AKR1D1: variants seen among roughly 807,000 people sequenced by gnomAD.
AKR1D1 encodes the protein delta(4)-3-ketosteroid 5-beta-reductase.
In AKR1D1, 32 loss-of-function variants were observed where a neutral mutation model predicts 42.6. The ratio of observed to expected loss-of-function variants is 0.75; its 90% CI spans 0.57 to 1.01. The LOEUF (loss-of-function observed/expected upper bound fraction) is 1.01, where lower values mean the gene tolerates loss of function less well. Ranked by LOEUF, AKR1D1 falls within the 50% of genes least tolerant of loss-of-function variation. The pLI is 0.00. For synonymous variants in AKR1D1, 123 were observed against 135.5 expected (o/e 0.91, Z 0.64); for missense variants, 364 against 402.2 (o/e 0.91, Z 0.81).
At chr7:138,113,066 C>T (rs776830098) in intron 7 of AKR1D1, among the ~76,000 whole-genome samples, 2 of 152,144 alleles carry the variant, frequency 1.3e-5, no homozygotes, top group African/African-American at 2.4e-5. Context: ...CCTGTAATTG[C>T]AGCACTTTGG....
intron 3 of AKR1D1, among the ~76,000 whole-genome samples, chr7:138,093,792 A>G (rs895830577): frequency 2.0e-4 from 30 of 152,242 alleles, no homozygotes; most frequent in African/African-American, 7.0e-4. Context: ...ATTATATACT[A>G]TACATGATTA....
At chr7:138,083,880 T>C (rs1585720550) in intron 1 of AKR1D1, among the ~76,000 whole-genome samples, 1 of 152,182 alleles carries the variant, frequency 6.6e-6, no homozygotes, top group East Asian at 1.9e-4. Context: ...CTTTGTTTTC[T>C]GGGGTACCTG....
chr7:138,101,169 C>CT (rs1383194110), intron 4 of AKR1D1, among the ~76,000 whole-genome samples: 1 of 38,920 alleles, frequency 2.6e-5, no homozygotes, highest in African/African-American at 1.1e-4. Context: ...CCCTCCCTCC[C>CT]TCCCTCCCTC....
At position 138,096,560 on chromosome 7, in the gene AKR1D1, G is replaced by C. The variant is rs374763926; in HGVS notation, c.379-1306G>C. ...AGTTTCCAACACATGAATTAGGGGGGACACATTTAAACCACAGCAATTCCC... is the reference window on the plus strand; with the variant it reads ...AGTTTCCAACACATGAATTAGGGGGCACACATTTAAACCACAGCAATTCCC... On this transcript the variant is annotated intron_variant, in intron 3 of 8. Coordinates refer to ENST00000242375, the MANE Select transcript of AKR1D1 (RefSeq NM_005989.4). Among the ~76,000 whole-genome samples, 65 of 152,250 alleles carry C rather than the reference G, an allele frequency of 4.3e-4. 1 individual carries two copies. In the East Asian group the frequency reaches 0.011, roughly 25 times the overall value.
intron 7 of AKR1D1, among the ~76,000 whole-genome samples, chr7:138,113,325 A>C (rs1335783768): frequency 6.6e-6 from 1 of 152,162 alleles, no homozygotes; most frequent in Non-Finnish European, 1.5e-5. Context: ...CAAAAAAAAA[A>C]AAAAATCATA....
At chr7:138,105,018 CA>C in intron 4 of AKR1D1, among the ~76,000 whole-genome samples, 1 of 152,174 alleles carries the variant, frequency 6.6e-6, no homozygotes, top group Non-Finnish European at 1.5e-5. Flanking sequence ...CTTGGCCTGC[CA>C]AAGTGCTGGG....
At chr7:138,079,966 G>A (rs1048430383) in intron 1 of AKR1D1, among the ~76,000 whole-genome samples, 1 of 152,328 alleles carries the variant, frequency 6.6e-6, no homozygotes, top group South Asian at 2.1e-4. Context: ...AATAGGGCCT[G>A]CTGGGTCATA....
chr7:138,087,894 T>C (rs1305109058), intron 1 of AKR1D1, among the ~76,000 whole-genome samples: 9 of 126,786 alleles, frequency 7.1e-5, no homozygotes, highest in Admixed American at 6.6e-4. Flanking sequence ...ATTTCTTTTC[T>C]TTTTTTTTTT....
intron 6 of AKR1D1, 124 bp from the exon 7 acceptor site, chr7:138,107,291 C>A: frequency 2.0e-6 from 2 of 993,688 alleles, no homozygotes; most frequent in Non-Finnish European, 3.2e-6. Flanking sequence ...AAACTGGTTA[C>A]AGGTGACCTG....
At chr7:138,097,241 C>T (rs953267019) in intron 3 of AKR1D1, among the ~76,000 whole-genome samples, 10 of 152,214 alleles carry the variant, frequency 6.6e-5, no homozygotes, top group African/African-American at 2.2e-4. Context: ...CATCAGCTCT[C>T]CCCTATTGCA....
rs759924214 is a variant in AKR1D1 at position 138,116,692 on chromosome 7, C to T, written c.*30C>T. On this transcript the variant is annotated 3_prime_UTR_variant, in exon 9 of 9. Transcript: ENST00000242375. ...AGGGAGTTCCTGAACAGATTTTTCA[C>T]TCCCACGAGTGCCAAGACGGTGCAA... The T allele has an allele frequency of 1.2e-6, 2 of 1,609,912 alleles. No individual in the cohort carries two copies. The highest frequency in any genetic ancestry group is 1.7e-6 in the Non-Finnish European group (2 of 1,176,202).
At position 138,106,608 on chromosome 7, in the gene AKR1D1, G is replaced by A. The variant is rs1282465024; in HGVS notation, c.580G>A (p.Val194Ile). The A allele has an allele frequency of 5.6e-6, 9 of 1,613,562 alleles. No homozygotes were observed. Among genetic ancestry groups the A allele is most frequent in the Admixed American group, 3.3e-5 (2 of 60,004 alleles). Residue 194 changes from valine (V) to isoleucine (I), a missense_variant and splice_region_variant, in exon 6 of 9, where the codon GTT becomes ATT. Coordinates refer to ENST00000242375, the MANE Select transcript of AKR1D1 (RefSeq NM_005989.4). ...GLKHKPVSNQ[V>I]ECHPYFTQPK... ...TCTGCTCTCCAATGCAACCACATAGGTTGAGTGCCATCCGTATTTCACCCA... is the reference window on the plus strand; with the variant it reads ...TCTGCTCTCCAATGCAACCACATAGATTGAGTGCCATCCGTATTTCACCCA...
At chr7:138,101,932 T>G in intron 4 of AKR1D1, among the ~76,000 whole-genome samples, 1 of 152,122 alleles carries the variant, frequency 6.6e-6, no homozygotes, top group Non-Finnish European at 1.5e-5. Context: ...ATATGGGGCC[T>G]GGAGCAGTGG....
chr7:138,098,483 G>A (rs1487092410), intron 4 of AKR1D1, among the ~76,000 whole-genome samples: 1 of 151,960 alleles, frequency 6.6e-6, no homozygotes, highest in African/African-American at 2.4e-5. Context: ...GGTGGTGGGC[G>A]CCTATAATCC....
intron 7 of AKR1D1, 34 bp from the exon 8 acceptor site, chr7:138,113,656 C>T (rs1794577085): frequency 1.9e-6 from 3 of 1,595,972 alleles, no homozygotes; most frequent in Non-Finnish European, 1.7e-6. Flanking sequence ...CAAGCTTGAC[C>T]TTCAAAAATG....
intron 1 of AKR1D1, among the ~76,000 whole-genome samples, chr7:138,078,810 C>A (rs1377007275): frequency 2.0e-5 from 3 of 152,070 alleles, no homozygotes; most frequent in African/African-American, 4.8e-5. Context: ...GCTGTAGTTG[C>A]AGCAAGTTTT....
chr7:138,088,528 A>G, intron 1 of AKR1D1, 73 bp from the exon 2 acceptor site: 3 of 1,522,440 alleles, frequency 2.0e-6, no homozygotes, highest in Non-Finnish European at 2.7e-6. Flanking sequence ...TACATGCAAA[A>G]TGTCCTGATT....
chr7:138,079,896 C>T (rs553748830), intron 1 of AKR1D1, among the ~76,000 whole-genome samples: 264 of 152,318 alleles, frequency 1.7e-3, no homozygotes, highest in Non-Finnish European at 2.8e-3. Context: ...CAGAACCCTA[C>T]AGGCTTACCT....
chr7:138,082,968 G>A (rs1395061806), intron 1 of AKR1D1, among the ~76,000 whole-genome samples: 2 of 152,150 alleles, frequency 1.3e-5, no homozygotes, highest in African/African-American at 4.8e-5. Flanking sequence ...AGTGAACATG[G>A]AAGTGCAAAT....
Sources: gnomAD v4.1 joint callset for allele counts (sites outside exome capture counted in the v4.1 genomes callset) on GRCh38, gnomAD v4.1.1 for gene constraint, MANE v1.5 for transcripts, NCBI Gene and HGNC (gene_info 2026-07-23, HGNC 2026-07-21) for gene names.